DHX36: variants seen among roughly 807,000 people sequenced by gnomAD.
The protein encoded by DHX36 is ATP-dependent DNA/RNA helicase DHX36.
DHX36 carries 50 observed loss-of-function variants against 139.0 expected under a neutral mutation model. That is an observed-to-expected ratio of 0.36 (90% CI 0.29 to 0.46). The LOEUF (loss-of-function observed/expected upper bound fraction) is 0.46, where lower values mean the gene tolerates loss of function less well. DHX36 is among the 20% of genes least tolerant of loss of function. The probability of loss-of-function intolerance (pLI) is 1.00; values close to 1 mark genes in which losing one functional copy is unlikely to be tolerated. For missense variants in DHX36, 1,024 were observed against 1,211.3 expected, an observed-to-expected ratio of 0.85 and a Z score of 2.29; for synonymous variants, 425 against 401.9, an observed-to-expected ratio of 1.06 and a Z score of -0.69.
intron 2 of DHX36, 76 bp from the exon 3 acceptor site, chr3:154,315,356 T>C: frequency 9.9e-7 from 1 of 1,005,226 alleles, no homozygotes; most frequent in Non-Finnish European, 1.5e-6. Flanking sequence ...AACAAAACAA[T>C]ACGCTGTTGA....
chr3:154,286,538 T>A (rs1165572370), intron 17 of DHX36, among the ~76,000 whole-genome samples: 2 of 151,274 alleles, frequency 1.3e-5, no homozygotes, highest in Non-Finnish European at 3.0e-5. Context: ...TTTTGGATTC[T>A]GCTTTTAAAT....
At position 154,277,722 on chromosome 3, in the gene DHX36, TAAA is replaced by T; in HGVS notation, c.2568-7_2568-5del. On this transcript the variant is annotated splice_polypyrimidine_tract_variant and splice_region_variant and intron_variant, in intron 22 of 24. Transcript: ENST00000496811. ...GGTTTTTGTGTAAACTTTTACCCTT[TAAA>T]AAAAGTTAAAATGCAGTTTGTTAAA... 1 of 1,588,492 alleles carries T rather than the reference TAAA, an allele frequency of 6.3e-7. No individual in the cohort carries two copies. Among genetic ancestry groups the T allele is most frequent in the Non-Finnish European group, 8.6e-7 (1 of 1,166,388 alleles).
At chr3:154,288,378 ATTATAG>A (rs1182699294) in intron 17 of DHX36, among the ~76,000 whole-genome samples, 61 of 151,894 alleles carry the variant, frequency 4.0e-4, no homozygotes, top group Non-Finnish European at 4.9e-4. Context: ...AAATCAAGCC[ATTATAG>A]TTAAAGTCAT....
At chr3:154,295,241 C>T in intron 13 of DHX36, 43 bp downstream of exon 13, 1 of 1,261,226 alleles carries the variant, frequency 7.9e-7, no homozygotes, top group Non-Finnish European at 1.1e-6. Flanking sequence ...TAAAGCTTGC[C>T]TCAGTTTGAA....
intron 20 of DHX36, among the ~76,000 whole-genome samples, chr3:154,281,616 T>C (rs965114546): frequency 6.6e-6 from 1 of 152,090 alleles, no homozygotes; most frequent in African/African-American, 2.4e-5. Flanking sequence ...CAGATGAATC[T>C]TGTATTTTCA....
At position 154,273,400 on chromosome 3, in the gene DHX36, C is replaced by T. The variant is rs1719052545; in HGVS notation, c.*2771G>A. 6.6e-6 allele frequency: 1 copy of T among 152,148 alleles called. No homozygotes were observed. 9.4% of individuals were successfully genotyped at this position (152,148 alleles called of 1,614,324 possible). On this transcript the variant is annotated 3_prime_UTR_variant, in exon 25 of 25. Transcript: ENST00000496811. ...TCCCCATTCATATGGGAATTACATA[C>T]TGGTTTGCAAACACAGAACCAACTA...
chr3:154,303,224 T>G, intron 9 of DHX36, 105 bp downstream of exon 9: 1 of 804,948 alleles, frequency 1.2e-6, no homozygotes, highest in East Asian at 2.9e-5. Context: ...GAAAAATGTT[T>G]TACAAGGAAA....
At chr3:154,290,952 G>A (rs933340052) in intron 15 of DHX36, among the ~76,000 whole-genome samples, 3 of 150,528 alleles carry the variant, frequency 2.0e-5, no homozygotes, top group Non-Finnish European at 4.4e-5. Flanking sequence ...GGCTAAAACG[G>A]TGAAACCCCG....
chr3:154,292,693 T>G lies in DHX36; in HGVS notation c.1672A>C (p.Ile558Leu). 1 of 1,612,818 alleles carries G rather than the reference T, an allele frequency of 6.2e-7. No homozygotes were observed. The change falls in exon 15 of 25, where the codon ATT (isoleucine) becomes CTT (leucine). Residue 558 changes from isoleucine (I) to leucine (L), a missense_variant and splice_region_variant. By Grantham distance (5) the Ile-to-Leu change is conservative. Coordinates refer to ENST00000496811, the MANE Select transcript of DHX36 (RefSeq NM_020865.3). ...VIATNIAETS[I>L]TIDDVVYVID... The stretch of plus-strand genomic sequence containing the variant: ...ACATAAACGACATCATCTATGGTAA[T>G]GCTGTTTGGAAAACAGATATATAAA...
At position 154,303,514 on chromosome 3, in the gene DHX36, G is replaced by T. The variant is rs1277121326; in HGVS notation, c.1136-104C>A. 5.0e-5 allele frequency: 41 copies of T among 815,292 alleles called. 1 individual carries two copies. The South Asian group carries it at 8.5e-4, about 17-fold the overall frequency. 50.5% of individuals were successfully genotyped at this position (815,292 alleles called of 1,614,324 possible). On this transcript the variant is annotated intron_variant, in intron 8 of 24. Transcript: ENST00000496811. ...ACTCTATTACTTACTATTAATTCCA[G>T]AAAATGGTCCTGTAGCTTTTACAAT...
At chr3:154,310,815 A>ATATATATATGTG (rs1292749509) in intron 4 of DHX36, among the ~76,000 whole-genome samples, 1 of 23,132 alleles carries the variant, frequency 4.3e-5, no homozygotes, top group African/African-American at 2.1e-4. Flanking sequence ...AAATATATAT[A>ATATATATATGTG]TATATATATA....
intron 5 of DHX36, 57 bp downstream of exon 5, chr3:154,309,596 G>A: frequency 6.8e-7 from 1 of 1,470,490 alleles, no homozygotes; most frequent in Non-Finnish European, 9.2e-7. Context: ...GAATCAGTAG[G>A]TTCTAGCAAG....
At chr3:154,314,847 T>G (rs2108364859) in intron 3 of DHX36, 199 bp downstream of exon 3, 11 of 462,838 alleles carry the variant, frequency 2.4e-5, no homozygotes, top group Non-Finnish European at 3.1e-5. Flanking sequence ...CTTCTGTGGA[T>G]GAGATAGGAT....
intron 10 of DHX36, 94 bp from the exon 11 acceptor site, chr3:154,300,790 G>T: frequency 7.7e-7 from 1 of 1,298,666 alleles, no homozygotes; most frequent in Non-Finnish European, 1.1e-6. Flanking sequence ...TGCAAATGGA[G>T]GAACATAATC....
intron 1 of DHX36, among the ~76,000 whole-genome samples, chr3:154,323,001 A>C (rs1198974361): frequency 2.6e-5 from 4 of 152,206 alleles, no homozygotes; most frequent in African/African-American, 7.2e-5. Flanking sequence ...AATGAACATG[A>C]CATGGTTAAA....
chr3:154,317,427 T>G (rs1196110908), intron 1 of DHX36, among the ~76,000 whole-genome samples: 1 of 151,926 alleles, frequency 6.6e-6, no homozygotes, highest in Non-Finnish European at 1.5e-5. Context: ...ACACAGGAAT[T>G]CTCTTAATTT....
At chr3:154,277,341 A>G (rs1164862287) in intron 23 of DHX36, among the ~76,000 whole-genome samples, 1 of 152,206 alleles carries the variant, frequency 6.6e-6, no homozygotes, top group Admixed American at 6.5e-5. Context: ...AAATATGCCA[A>G]TATTTCTTGA....
At chr3:154,279,228 T>C (rs986836861) in intron 22 of DHX36, 11 of 152,032 alleles carry the variant, frequency 7.2e-5, no homozygotes, top group Non-Finnish European at 1.6e-4. Flanking sequence ...TCTGCTAGTG[T>C]AGAAGGAAAG....
chr3:154,276,868 G>T lies in DHX36; in HGVS notation c.2720C>A (p.Pro907Gln). The T allele has an allele frequency of 1.2e-6, 2 of 1,613,694 alleles. No homozygotes were observed. Among genetic ancestry groups the T allele is most frequent in the Non-Finnish European group, 1.7e-6 (2 of 1,179,802 alleles). The change falls in exon 24 of 25, where the codon CCA becomes CAA. Residue 907 changes from proline (P) to glutamine (Q), a missense_variant. Pro to Gln is a moderately conservative substitution (Grantham distance 76). Transcript: ENST00000496811. ...IYLYDCTEVS[P>Q]YCLLFFGGDI... The stretch of plus-strand genomic sequence containing the variant: ...ACCTCCAAAAAACAAGAGACAGTAT[G>T]GGGAAACCTCTGTGCAGTCATACAA...
Sources: allele counts gnomAD v4.1 joint callset (sites outside exome capture counted in the v4.1 genomes callset), GRCh38; gene constraint gnomAD v4.1.1; transcripts MANE v1.5; gene names NCBI Gene and HGNC (gene_info 2026-07-23, HGNC 2026-07-21).